SPNS3: variants seen among roughly 807,000 people sequenced by gnomAD.
SPNS3 encodes the protein protein spinster homolog 3.
In SPNS3, 51 loss-of-function variants were observed where a neutral mutation model predicts 54.4. The observed-to-expected ratio is 0.94, with a 90% CI of 0.75 to 1.18. The LOEUF (loss-of-function observed/expected upper bound fraction) is 1.18. Among genes scored for constraint, SPNS3 ranks in the 50% most tolerant of loss-of-function variants. The pLI is 0.00. For missense variants in SPNS3, 669 were observed against 677.4 expected (o/e 0.99, Z 0.14); for synonymous variants, 309 against 294.7 (o/e 1.05, Z -0.50).
intron 8 of SPNS3, among the ~76,000 whole-genome samples, chr17:4,475,192 C>T (rs895280420): frequency 2.0e-5 from 3 of 152,266 alleles, no homozygotes; most frequent in Non-Finnish European, 2.9e-5. Context: ...GGCTGAGGGG[C>T]TCCATGTTTC....
chr17:4,487,703 T>A (rs994764541), intron 11 of SPNS3, 103 bp from the exon 12 acceptor site: 4 of 1,019,418 alleles, frequency 3.9e-6, no homozygotes, highest in African/African-American at 1.6e-5. Context: ...TATTCTGCAT[T>A]TGGGACAGAG....
At chr17:4,482,078 G>GT (rs1478818887) in intron 9 of SPNS3, 1 of 151,104 alleles carries the variant, frequency 6.6e-6, no homozygotes, top group Non-Finnish European at 1.5e-5. Context: ...TAGTAGAGAC[G>GT]GGGTTCACCA....
intron 8 of SPNS3, among the ~76,000 whole-genome samples, chr17:4,459,887 G>A (rs1004263104): frequency 3.9e-5 from 6 of 152,102 alleles, no homozygotes; most frequent in African/African-American, 1.4e-4. Flanking sequence ...AATAATAAAG[G>A]CTTAGGAGAG....
chr17:4,447,094 C>A, intron 5 of SPNS3, 132 bp downstream of exon 5: 1 of 922,920 alleles, frequency 1.1e-6, no homozygotes, highest in South Asian at 1.5e-5. Context: ...GGTCAGGCAT[C>A]GGCAGCTTTG....
chr17:4,462,780 T>C (rs1466995956), intron 8 of SPNS3, among the ~76,000 whole-genome samples: 5 of 91,712 alleles, frequency 5.5e-5, no homozygotes, highest in African/African-American at 8.8e-5. Flanking sequence ...CATCCATCCA[T>C]CCATCCATCC....
chr17:4,464,741 C>T (rs571999210), intron 8 of SPNS3, among the ~76,000 whole-genome samples: 71 of 152,208 alleles, frequency 4.7e-4, no homozygotes, highest in South Asian at 2.1e-4. Flanking sequence ...AGTGCAGTGG[C>T]GCAATCTCGG....
chr17:4,445,958 G>A (rs1026547383), intron 3 of SPNS3, 90 bp from the exon 4 acceptor site: 36 of 1,461,442 alleles, frequency 2.5e-5, no homozygotes, highest in Non-Finnish European at 3.1e-5. Flanking sequence ...TGTGTCATGA[G>A]GTCCCCTTGG....
chr17:4,468,435 G>T (rs1219912347), intron 8 of SPNS3, among the ~76,000 whole-genome samples: 1 of 152,118 alleles, frequency 6.6e-6, no homozygotes, highest in Non-Finnish European at 1.5e-5. Context: ...TCAGATTCTG[G>T]GTATATTTTG....
At chr17:4,436,123 G>C (rs1236738586) in intron 1 of SPNS3, among the ~76,000 whole-genome samples, 1 of 152,236 alleles carries the variant, frequency 6.6e-6, no homozygotes, top group Non-Finnish European at 1.5e-5. Flanking sequence ...GGCAGAGATA[G>C]AGGCTGGTTG....
chr17:4,458,205 A>G (rs369332294), intron 8 of SPNS3, among the ~76,000 whole-genome samples: 103 of 152,086 alleles, frequency 6.8e-4, no homozygotes, highest in African/African-American at 2.1e-3. Flanking sequence ...ACTGTTCTAG[A>G]AGCCACCTTC....
chr17:4,487,894 A>T lies in SPNS3; in HGVS notation c.1539A>T (p.Ter513CysextTer33), dbSNP rs764241720. The change falls in exon 12 of 12, where the codon TGA becomes TGT. Residue 513 changes from the stop codon to cysteine, a stop_lost. Transcript: ENST00000355530. ...CTGGCGCCTCTACAGAGGAGCCCTG[A>T]GGTCCCTGCCTACACTCGTCCTGCC... is the stretch of plus-strand genomic sequence containing the variant. ...SGAGASTEEP[*>C] is the part of the protein sequence containing the mutation. 3 of 1,613,640 alleles carry T rather than the reference A, an allele frequency of 1.9e-6. No homozygotes were observed. The South Asian group carries it at 3.3e-5, about 18-fold the overall frequency.
At chr17:4,458,629 C>CT (rs1458619988) in intron 8 of SPNS3, among the ~76,000 whole-genome samples, 2,308 of 129,040 alleles carry the variant, frequency 0.018, 79 homozygotes, top group Middle Eastern at 0.034. Flanking sequence ...TTCTTTCTTT[C>CT]TTTCTTTCTT....
intron 8 of SPNS3, among the ~76,000 whole-genome samples, chr17:4,460,335 T>G (rs927599745): frequency 2.0e-5 from 3 of 152,312 alleles, no homozygotes; most frequent in Middle Eastern, 3.4e-3. Context: ...TACAGTTTAT[T>G]ACATTGACTG....
chr17:4,439,255 CT>C (rs1970788324), intron 1 of SPNS3, among the ~76,000 whole-genome samples: 2 of 152,050 alleles, frequency 1.3e-5, no homozygotes, highest in Admixed American at 1.3e-4. Flanking sequence ...TCCCGAGTAG[CT>C]GGGATTACAG....
intron 8 of SPNS3, among the ~76,000 whole-genome samples, chr17:4,472,154 T>A (rs1352673375): frequency 6.6e-6 from 1 of 152,220 alleles, no homozygotes; most frequent in Non-Finnish European, 1.5e-5. Context: ...CCACTGCGCC[T>A]GGCCAAGTTG....
intron 8 of SPNS3, among the ~76,000 whole-genome samples, chr17:4,465,303 C>T (rs1017674101): frequency 3.3e-5 from 5 of 152,110 alleles, no homozygotes; most frequent in Middle Eastern, 3.2e-3. Context: ...TCTGAGATAG[C>T]GGGCCAGGTA....
At chr17:4,463,596 G>C (rs1006198350) in intron 8 of SPNS3, among the ~76,000 whole-genome samples, 1 of 151,352 alleles carries the variant, frequency 6.6e-6, no homozygotes, top group Non-Finnish European at 1.5e-5. Flanking sequence ...AAATTTAGCT[G>C]GGCGTGGCGG....
At chr17:4,487,167 C>CA (rs35822922) in intron 11 of SPNS3, among the ~76,000 whole-genome samples, 9,553 of 69,480 alleles carry the variant, frequency 0.14, 728 homozygotes, top group Non-Finnish European at 0.19. Flanking sequence ...AAGACTGTCT[C>CA]AAAAAAAAAA....
At chr17:4,466,794 G>A (rs997892240) in intron 8 of SPNS3, among the ~76,000 whole-genome samples, 2 of 152,298 alleles carry the variant, frequency 1.3e-5, no homozygotes, top group South Asian at 2.1e-4. Flanking sequence ...GCAGTGAGCC[G>A]AGATCGCACC....
Sources: gnomAD v4.1 joint callset for allele counts (sites outside exome capture counted in the v4.1 genomes callset) on GRCh38, gnomAD v4.1.1 for gene constraint, MANE v1.5 for transcripts, NCBI Gene and HGNC (gene_info 2026-07-23, HGNC 2026-07-21) for gene names.